The following ARHGAP15 variants were observed in gnomAD, a reference collection of about 807,000 sequenced individuals.
ARHGAP15 encodes the protein Rho GTPase activating protein 15.
A neutral mutation model predicts 63.7 loss-of-function variants in ARHGAP15; 51 were observed. The ratio of observed to expected loss-of-function variants is 0.80; its 90% CI spans 0.64 to 1.01. ARHGAP15 has a LOEUF of 1.01. Ranked by LOEUF, ARHGAP15 falls within the 50% of genes least tolerant of loss-of-function variation. The probability of loss-of-function intolerance (pLI) is 0.00; values close to 1 mark genes in which losing one functional copy is unlikely to be tolerated. For synonymous variants in ARHGAP15, 191 were observed against 193.8 expected, an observed-to-expected ratio of 0.99 and a Z score of 0.12; for missense variants, 560 against 564.6, an observed-to-expected ratio of 0.99 and a Z score of 0.08.
chr2:143,618,831 TC>T (rs962054906), intron 11 of ARHGAP15, among the ~76,000 whole-genome samples: 2 of 114,856 alleles, frequency 1.7e-5, no homozygotes, highest in Non-Finnish European at 4.2e-5. Context: ...AGGGGTAAAC[TC>T]CTTTTTTTTT....
At chr2:143,389,368 A>G (rs552947408) in intron 6 of ARHGAP15, among the ~76,000 whole-genome samples, 157 of 152,238 alleles carry the variant, frequency 1.0e-3, no homozygotes, top group African/African-American at 3.5e-3. Flanking sequence ...ATTCTTACAG[A>G]TACTGAAAGA....
chr2:143,525,354 C>T (rs1694223302), intron 10 of ARHGAP15, among the ~76,000 whole-genome samples: 1 of 129,066 alleles, frequency 7.7e-6, no homozygotes, highest in Admixed American at 8.2e-5. Flanking sequence ...ATTACATGCT[C>T]CAAAAAAAAA....
At chr2:143,435,223 A>G (rs1689557088) in intron 6 of ARHGAP15, 2 of 989,010 alleles carry the variant, frequency 2.0e-6, no homozygotes, top group Non-Finnish European at 2.4e-6. Context: ...GACAGACAGG[A>G]AAGAGGCAAA....
chr2:143,463,929 C>A (rs1299549467), intron 8 of ARHGAP15, among the ~76,000 whole-genome samples: 1 of 152,160 alleles, frequency 6.6e-6, no homozygotes, highest in Non-Finnish European at 1.5e-5. Flanking sequence ...GTGGCTGGAA[C>A]TAAAACTGAC....
intron 13 of ARHGAP15, 161 bp downstream of exon 13, chr2:143,703,685 G>C: frequency 1.8e-6 from 1 of 548,232 alleles, no homozygotes; most frequent in Non-Finnish European, 3.1e-6. Context: ...GAATGTGTTA[G>C]GGATAGGAAG....
chr2:143,243,983 A>G (rs1311738937), intron 5 of ARHGAP15, among the ~76,000 whole-genome samples: 1 of 152,302 alleles, frequency 6.6e-6, no homozygotes, highest in East Asian at 1.9e-4. Context: ...AATCTCTATT[A>G]GCTTTGATTA....
chr2:143,285,087 C>T (rs774266304), intron 6 of ARHGAP15, among the ~76,000 whole-genome samples: 8 of 152,138 alleles, frequency 5.3e-5, no homozygotes, highest in Admixed American at 1.3e-4. Context: ...GTGACAAGAT[C>T]GCTTAAGATT....
rs561779564 is a variant in ARHGAP15 at position 143,636,474 on chromosome 2, T to G, written c.1138+12207T>G. 7.9e-5 allele frequency among the ~76,000 whole-genome samples: 12 copies of G among 152,222 alleles called. No individual in the cohort carries two copies. The South Asian group carries it at 2.5e-3, about 32-fold the overall frequency. On this transcript the variant is annotated intron_variant, in intron 12 of 13. Coordinates refer to ENST00000295095, the MANE Select transcript of ARHGAP15 (RefSeq NM_018460.4). ...TTAGACCCAGAAAGGCTTCAGAAGCTCCTGTCTGTAAGCTTGGATTTGTGA... is the reference window on the plus strand; with the variant it reads ...TTAGACCCAGAAAGGCTTCAGAAGCGCCTGTCTGTAAGCTTGGATTTGTGA...
At chr2:143,531,541 A>G (rs568072713) in intron 10 of ARHGAP15, among the ~76,000 whole-genome samples, 10 of 152,250 alleles carry the variant, frequency 6.6e-5, no homozygotes, top group Non-Finnish European at 1.3e-4. Flanking sequence ...TGTATCCAAC[A>G]TGCAAACTTC....
intron 3 of ARHGAP15, among the ~76,000 whole-genome samples, chr2:143,205,546 A>C (rs1055388708): frequency 6.6e-6 from 1 of 152,134 alleles, no homozygotes; most frequent in African/African-American, 2.4e-5. Flanking sequence ...ATGAAAATTT[A>C]ATGGCTTTTG....
At chr2:143,473,341 C>CT (rs571915308) in intron 8 of ARHGAP15, among the ~76,000 whole-genome samples, 426 of 152,316 alleles carry the variant, frequency 2.8e-3, no homozygotes, top group African/African-American at 9.8e-3. Context: ...GTGGCCTTTT[C>CT]TTTTTTCTGC....
intron 10 of ARHGAP15, among the ~76,000 whole-genome samples, chr2:143,536,460 G>T (rs1326005578): frequency 2.6e-5 from 4 of 151,232 alleles, no homozygotes; most frequent in South Asian, 2.1e-4. Context: ...GCCATGTTGG[G>T]GTGCTGCACC....
intron 9 of ARHGAP15, among the ~76,000 whole-genome samples, chr2:143,512,273 G>T (rs1401185416): frequency 6.6e-6 from 1 of 152,214 alleles, no homozygotes; most frequent in Non-Finnish European, 1.5e-5. Flanking sequence ...ATCAGAAAAA[G>T]TCTCAGGATT....
intron 6 of ARHGAP15, among the ~76,000 whole-genome samples, chr2:143,325,358 T>G (rs918432947): frequency 2.6e-5 from 4 of 152,176 alleles, no homozygotes; most frequent in Non-Finnish European, 4.4e-5. Context: ...TCCTCTTTTT[T>G]AATACTCTAG....
chr2:143,285,493 G>C (rs555216770), intron 6 of ARHGAP15, among the ~76,000 whole-genome samples: 1 of 151,992 alleles, frequency 6.6e-6, no homozygotes, highest in Non-Finnish European at 1.5e-5. Context: ...TGGCCAAACT[G>C]TCTGATTAGA....
chr2:143,669,426 G>A (rs1475091342), intron 12 of ARHGAP15, among the ~76,000 whole-genome samples: 2 of 152,178 alleles, frequency 1.3e-5, no homozygotes, highest in African/African-American at 4.8e-5. Flanking sequence ...CTAGAACAGT[G>A]CCTAGAGTAC....
intron 6 of ARHGAP15, among the ~76,000 whole-genome samples, chr2:143,333,984 T>C (rs1684661663): frequency 6.6e-6 from 1 of 152,170 alleles, no homozygotes; most frequent in African/African-American, 2.4e-5. Context: ...ACAACACTTG[T>C]TAAGGTTGAT....
At chr2:143,162,551 T>C (rs1216797136) in intron 2 of ARHGAP15, 1 of 151,948 alleles carries the variant, frequency 6.6e-6, no homozygotes, top group Non-Finnish European at 1.5e-5. Flanking sequence ...AGTTTAGACA[T>C]AAAGGAGAAT....
At chr2:143,561,118 T>A (rs1696002782) in intron 11 of ARHGAP15, among the ~76,000 whole-genome samples, 2 of 152,204 alleles carry the variant, frequency 1.3e-5, no homozygotes, top group Admixed American at 1.3e-4. Flanking sequence ...CTGCATGTCT[T>A]GAGAACTTTT....
Sources: allele counts gnomAD v4.1 joint callset (sites outside exome capture counted in the v4.1 genomes callset), GRCh38; gene constraint gnomAD v4.1.1; transcripts MANE v1.5; gene names NCBI Gene and HGNC (gene_info 2026-07-23, HGNC 2026-07-21).